HAUS3: variants seen among roughly 807,000 people sequenced by gnomAD.
The protein encoded by HAUS3 is HAUS augmin like complex subunit 3, also known as HAUS augmin-like complex subunit 3.
In HAUS3, 36 loss-of-function variants were observed where a neutral mutation model predicts 55.2. The ratio of observed to expected loss-of-function variants is 0.65; its 90% confidence interval spans 0.50 to 0.86. The LOEUF is 0.86. Ranked by LOEUF, HAUS3 falls within the 40% of genes least tolerant of loss-of-function variation. The pLI, the probability that HAUS3 is intolerant of heterozygous loss-of-function variation, is 0.00. For synonymous variants in HAUS3, 234 were observed against 238.6 expected (o/e 0.98, Z 0.18); for missense variants, 752 against 671.5 (o/e 1.12, Z -1.33).
rs761194299 is a variant in HAUS3, at chr4:2,240,031, T to C, written c.909+7A>G. On this transcript the variant is annotated splice_region_variant and intron_variant, in intron 3 of 5. Coordinates refer to ENST00000443786, the MANE Select transcript of HAUS3 (RefSeq NM_001303143.2). ...AATGTGAATCCAATCTCATTTCTTA[T>C]GCTTACCTTGCTGGTTAGGCTGTGA... The C allele has an allele frequency of 2.5e-6, 4 of 1,605,616 alleles. No individual in the cohort carries two copies. Among genetic ancestry groups the C allele is most frequent in the African/African-American group, 2.7e-5 (2 of 74,584 alleles).
chr4:2,229,247 A>C lies in HAUS3; in HGVS notation c.*2680T>G. ...AATTTTCCATTTTCACAAAATCCTA[A>C]ATGTAAGATTAACATAAGATAAATC... On this transcript the variant is annotated 3_prime_UTR_variant, in exon 6 of 6. Coordinates refer to ENST00000443786, the MANE Select transcript of HAUS3 (RefSeq NM_001303143.2). 6.3e-7 allele frequency: 1 copy of C among 1,582,382 alleles called. No individual in the cohort carries two copies. Among genetic ancestry groups the C allele is most frequent in the Non-Finnish European group, 8.6e-7 (1 of 1,162,572 alleles).
At position 2,231,948 on chromosome 4, in the gene HAUS3, C is replaced by CA. The variant is rs1560102317; in HGVS notation, c.1790_1791insT (p.Lys597AsnfsTer4). The CA allele has an allele frequency of 7.2e-7, 1 of 1,394,682 alleles. No homozygotes were observed. 86.4% of individuals were successfully genotyped at this position (1,394,682 alleles called of 1,614,324 possible). A position where few individuals can be genotyped will look rare whatever the true frequency, so the allele number is the denominator to read the frequency against. ...ATTTTCAATCTTCAAGACTAACAGC[C>CA]TTAATCTTTGATTGAGTTTCTAAAT... On this transcript the variant is annotated frameshift_variant, in exon 6 of 6. Transcript: ENST00000443786. LOFTEE classifies it high-confidence loss of function.
chr4:2,237,710 G>C (rs1262505145), intron 4 of HAUS3, among the ~76,000 whole-genome samples: 1 of 152,010 alleles, frequency 6.6e-6, no homozygotes, highest in African/African-American at 2.4e-5. Context: ...GATTAAAAGA[G>C]AAAAACTAAA....
At chr4:2,233,363 C>T (rs1418131632) in intron 5 of HAUS3, among the ~76,000 whole-genome samples, 1 of 152,024 alleles carries the variant, frequency 6.6e-6, no homozygotes, top group Non-Finnish European at 1.5e-5. Context: ...TCACATTGAG[C>T]TAGGGAAAAA....
chr4:2,228,540 T>C lies in HAUS3; in HGVS notation c.*3387A>G, dbSNP rs1049354272. On this transcript the variant is annotated 3_prime_UTR_variant, in exon 6 of 6. Transcript: ENST00000443786. ...TTTTAGTAGAGACAGTGTTTTACCG[T>C]GTTAGCCAGGATGGTCTCGATCTCC... 4 of 186,120 alleles carry C rather than the reference T, an allele frequency of 2.1e-5. No individual in the cohort carries two copies. The highest frequency in any genetic ancestry group is 4.6e-5 in the Non-Finnish European group (4 of 86,724). 11.5% of individuals were successfully genotyped at this position (186,120 alleles called of 1,614,324 possible). A position where few individuals can be genotyped will look rare whatever the true frequency, so the allele number is the denominator to read the frequency against.
rs751067768 is a variant in HAUS3, at chr4:2,238,634, G to T, written c.1319C>A (p.Thr440Asn). The T allele has an allele frequency of 6.2e-6, 10 of 1,606,274 alleles. No homozygotes were observed. Among genetic ancestry groups the T allele is most frequent in the Admixed American group, 5.0e-5 (3 of 59,814 alleles). The change falls in exon 4 of 6, where the codon ACC (threonine) becomes AAC (asparagine). Residue 440 changes from threonine (T) to asparagine (N), a missense_variant. Thr to Asn is a moderately conservative substitution (Grantham distance 65). Coordinates refer to ENST00000443786, the MANE Select transcript of HAUS3 (RefSeq NM_001303143.2). ...AGTAGAATAATCCTTAGTATCAATG[G>T]TATTCCTTGGATTTATCTGTTGAGA... ...SVSQQINPRN[T>N]IDTKDYSTHR...
chr4:2,241,886 C>T, intron 1 of HAUS3, 96 bp from the exon 2 acceptor site: 5 of 985,508 alleles, frequency 5.1e-6, no homozygotes, highest in Non-Finnish European at 6.0e-6. Flanking sequence ...GCCCCAGCTC[C>T]TCGCCCAGCG....
In HAUS3 at chr4:2,240,563, T is replaced by C; in HGVS notation, c.384A>G (p.Ser128=). The change falls in exon 3 of 6, where the codon TCA becomes TCG. Residue 128 remains serine (S), a synonymous_variant. Coordinates refer to ENST00000443786, the MANE Select transcript of HAUS3 (RefSeq NM_001303143.2). The part of the protein sequence containing the change: ...QRRNKCQLMA[S]VTSHKSLRLN... ...ACCTCAGAGATTTGTGGCTAGTTAC[T>C]GAAGCCATCAATTGACATTTATTAC... is the stretch of plus-strand genomic sequence containing the variant. 6.2e-7 allele frequency: 1 copy of C among 1,613,520 alleles called. No homozygotes were observed. Among genetic ancestry groups the C allele is most frequent in the East Asian group, 2.2e-5 (1 of 44,874 alleles).
rs1026571630 is a variant in HAUS3, at chr4:2,242,068, G to A, written c.-436C>T. ...TCAGTCACCTCAGGAAGTTCCGCTT[G>A]CTTCTCGCAGGAGCCCGCCGCCACC... is the stretch of plus-strand genomic sequence containing the variant. On this transcript the variant is annotated 5_prime_UTR_variant, in exon 1 of 6. Coordinates refer to ENST00000443786, the MANE Select transcript of HAUS3 (RefSeq NM_001303143.2). The A allele has an allele frequency of 3.0e-6, 3 of 985,770 alleles. No homozygotes were observed. The highest frequency in any genetic ancestry group is 5.2e-4 in the Middle Eastern group (1 of 1,918). 61.1% of individuals were successfully genotyped at this position (985,770 alleles called of 1,614,324 possible). A position where few individuals can be genotyped will look rare whatever the true frequency, so the allele number is the denominator to read the frequency against.
At chr4:2,239,937 C>T in intron 3 of HAUS3, 101 bp downstream of exon 3, 1 of 859,342 alleles carries the variant, frequency 1.2e-6, no homozygotes, top group Non-Finnish European at 1.8e-6. Context: ...AATGTAATCT[C>T]TTCTCAGATG....
Position 2,240,405 on chromosome 4 carries a change from C to A in HAUS3, c.542G>T (p.Arg181Ile). 1.2e-6 allele frequency: 2 copies of A among 1,612,790 alleles called. No individual in the cohort carries two copies. The change falls in exon 3 of 6, where the codon AGA becomes ATA. Residue 181 changes from arginine to isoleucine, a missense_variant. Coordinates refer to ENST00000443786, the MANE Select transcript of HAUS3 (RefSeq NM_001303143.2). ...TGTCCCTTGACCTAAATTAGAATGT[C>A]TGAAGAACATCATCAATTGTGTAAC... ...DEVTQLMMFFRHSNLGQGTNP... is the reference protein window; with the variant it reads ...DEVTQLMMFFIHSNLGQGTNP...
chr4:2,235,634 C>G (rs544663378), intron 5 of HAUS3, among the ~76,000 whole-genome samples: 1 of 152,232 alleles, frequency 6.6e-6, no homozygotes, highest in East Asian at 1.9e-4. Context: ...AAAAAGCAAG[C>G]AAGTCATTGA....
intron 2 of HAUS3, 48 bp from the exon 3 acceptor site, chr4:2,241,141 T>A: frequency 2.0e-6 from 1 of 503,706 alleles, no homozygotes; most frequent in Non-Finnish European, 3.4e-6. Context: ...GACGACAGTG[T>A]TTTTAAAAAG....
intron 4 of HAUS3, among the ~76,000 whole-genome samples, 198 bp downstream of exon 4, chr4:2,238,406 T>A (rs1734842317): frequency 1.4e-5 from 2 of 145,176 alleles, no homozygotes; most frequent in African/African-American, 2.6e-5. Context: ...TATTTTCAGA[T>A]CTAACATAAA....
rs113752366 is a variant in HAUS3 at position 2,241,818 on chromosome 4, G to T, written c.-418-28C>A. On this transcript the variant is annotated intron_variant, in intron 1 of 5. Transcript: ENST00000443786. ...GACAAAACAAACGCACAAGCCCACCGAATCGCCGTCGACACCGAGCTGCAG... is the reference window on the plus strand; with the variant it reads ...GACAAAACAAACGCACAAGCCCACCTAATCGCCGTCGACACCGAGCTGCAG... The T allele has an allele frequency of 5.4e-4, 536 of 985,436 alleles. 5 individuals carry two copies. The highest frequency in any genetic ancestry group is 5.2e-4 in the Middle Eastern group (1 of 1,914). 61.0% of individuals were successfully genotyped at this position (985,436 alleles called of 1,614,324 possible). A position where few individuals can be genotyped will look rare whatever the true frequency, so the allele number is the denominator to read the frequency against.
rs1734846483 is a variant in HAUS3 at position 2,238,519 on chromosome 4, T to G, written c.1349+85A>C. 4 of 855,394 alleles carry G rather than the reference T, an allele frequency of 4.7e-6. No homozygotes were observed. The South Asian group carries it at 9.3e-5, about 20-fold the overall frequency. The allele number at this position is 855,394 out of a possible 1,614,324, so 53.0% of individuals were successfully genotyped here. ...TGAAATGCAAAGAATTGTTAAAAAC[T>G]TCCAAAATTTTAGCTCAAACTCTCT... On this transcript the variant is annotated intron_variant, in intron 4 of 5. Transcript: ENST00000443786.
intron 1 of HAUS3, 105 bp downstream of exon 1, chr4:2,241,946 C>T: frequency 1.0e-6 from 1 of 985,576 alleles, no homozygotes; most frequent in Non-Finnish European, 1.2e-6. Context: ...GAAGGAGCCC[C>T]CAGGAGCGCA....
At chr4:2,235,867 A>T (rs1433506615) in intron 5 of HAUS3, among the ~76,000 whole-genome samples, 1 of 152,178 alleles carries the variant, frequency 6.6e-6, no homozygotes, top group Non-Finnish European at 1.5e-5. Flanking sequence ...TATTAGGAGG[A>T]GCATGTACCA....
intron 1 of HAUS3, 125 bp from the exon 2 acceptor site, chr4:2,241,915 G>T (rs1577807444): frequency 1.0e-6 from 1 of 985,482 alleles, no homozygotes; most frequent in Admixed American, 6.1e-5. Context: ...CCTGATCCCC[G>T]GGCAGCTGCT....
Sources: gnomAD v4.1 joint callset for allele counts (sites outside exome capture counted in the v4.1 genomes callset) on GRCh38, gnomAD v4.1.1 for gene constraint, MANE v1.5 for transcripts, NCBI Gene and HGNC (gene_info 2026-07-23, HGNC 2026-07-21) for gene names.